Variants in MOV10L1 observed in about 807,000 individuals in gnomAD.
The protein encoded by MOV10L1 is RNA helicase Mov10l1.
MOV10L1 carries 110 observed loss-of-function variants against 143.8 expected under a neutral mutation model. The ratio of observed to expected loss-of-function variants is 0.76; its 90% CI spans 0.66 to 0.90. The LOEUF is 0.90. MOV10L1 is among the 40% of genes least tolerant of loss of function. The probability of loss-of-function intolerance (pLI) is 0.00; values close to 1 mark genes in which losing one functional copy is unlikely to be tolerated. For synonymous variants in MOV10L1, 593 were observed against 581.1 expected, an observed-to-expected ratio of 1.02 and a Z score of -0.29; for missense variants, 1,406 against 1,526.8, an observed-to-expected ratio of 0.92 and a Z score of 1.32.
intron 4 of MOV10L1, 23 bp downstream of exon 4, chr22:50,108,271 C>G (rs531786148): frequency 3.1e-6 from 5 of 1,590,532 alleles, no homozygotes; most frequent in East Asian, 4.5e-5. Context: ...CTAGTGGCTC[C>G]TCTCTGTGCT....
At position 50,159,659 on chromosome 22, in the gene MOV10L1, C is replaced by G; in HGVS notation, c.3217-19C>G. ...TTGTACAGTGTTATCTTTAGTCTTT[C>G]TTTTAATCTGTTCTCAAGGTGGAGA... On this transcript the variant is annotated intron_variant, in intron 23 of 26. Coordinates refer to ENST00000262794, the MANE Select transcript of MOV10L1 (RefSeq NM_018995.3). The surrounding 1 kb of genome is among the most constrained non-coding windows in gnomAD (Gnocchi z 4.1). 1 of 1,488,372 alleles carries G rather than the reference C, an allele frequency of 6.7e-7. No homozygotes were observed. Among genetic ancestry groups the G allele is most frequent in the Non-Finnish European group, 9.3e-7 (1 of 1,073,932 alleles). The allele number at this position is 1,488,372 out of a possible 1,614,324, so 92.2% of individuals were successfully genotyped here.
intron 15 of MOV10L1, among the ~76,000 whole-genome samples, chr22:50,139,773 A>G (rs2147326113): frequency 6.6e-6 from 1 of 152,372 alleles, no homozygotes; most frequent in East Asian, 1.9e-4. Context: ...GTTCAACATC[A>G]TTAGTTGTTA....
At chr22:50,110,526 C>G (rs1002375414) in intron 5 of MOV10L1, among the ~76,000 whole-genome samples, 1 of 151,450 alleles carries the variant, frequency 6.6e-6, no homozygotes, top group Admixed American at 6.6e-5. Flanking sequence ...AGGGGTCGCT[C>G]TTCATCCTTC....
At chr22:50,154,916 T>C (rs1363911806) in intron 22 of MOV10L1, among the ~76,000 whole-genome samples, 2 of 152,204 alleles carry the variant, frequency 1.3e-5, no homozygotes, top group Non-Finnish European at 2.9e-5. Flanking sequence ...CATTTTTTAT[T>C]GTTGTATTTC....
chr22:50,158,177 A>C lies in MOV10L1; in HGVS notation c.3187A>C (p.Ile1063Leu). The change falls in exon 23 of 27, where the codon ATT becomes CTT. Residue 1063 changes from isoleucine to leucine, a missense_variant. Ile to Leu is a conservative substitution (Grantham distance 5, BLOSUM62 2). Transcript: ENST00000262794. The surrounding 1 kb of genome is among the most constrained non-coding windows in gnomAD (Gnocchi z 5.0). ...SISSQVSASD[I>L]GVITPYRKQV... Reference sequence around the variant, plus strand: ...CTCCAGTCAGGTGTCTGCCAGCGACATTGGCGTCATCACGCCCTACCGGAA... The same window carrying C: ...CTCCAGTCAGGTGTCTGCCAGCGACCTTGGCGTCATCACGCCCTACCGGAA... 6.2e-7 allele frequency: 1 copy of C among 1,614,118 alleles called. No individual in the cohort carries two copies.
chr22:50,129,671 C>A (rs573238824), intron 13 of MOV10L1, among the ~76,000 whole-genome samples: 4 of 152,184 alleles, frequency 2.6e-5, no homozygotes, highest in Non-Finnish European at 5.9e-5. Context: ...TGTATAACAG[C>A]CTGCTGATCG....
At chr22:50,091,671 GTAGTTAAGGACC>G (rs1376738099) in intron 1 of MOV10L1, among the ~76,000 whole-genome samples, 2 of 152,208 alleles carry the variant, frequency 1.3e-5, no homozygotes, top group African/African-American at 4.8e-5. Context: ...CAGGCCCAGA[GTAGTTAAGGACC>G]TAGTCCAGGG....
At chr22:50,103,630 G>A (rs1011719103) in intron 3 of MOV10L1, among the ~76,000 whole-genome samples, 1 of 152,204 alleles carries the variant, frequency 6.6e-6, no homozygotes, top group African/African-American at 2.4e-5. Context: ...CTGCGAGCAT[G>A]TGGTGGCTCT....
intron 22 of MOV10L1, among the ~76,000 whole-genome samples, chr22:50,153,902 C>G (rs2063359635): frequency 6.6e-6 from 1 of 151,776 alleles, no homozygotes; most frequent in African/African-American, 2.4e-5. Flanking sequence ...ACACGGGGAA[C>G]CCTGGTGCCA....
intron 1 of MOV10L1, chr22:50,090,667 C>T (rs2062409674): frequency 3.1e-6 from 3 of 972,088 alleles, no homozygotes; most frequent in African/African-American, 1.6e-5. Context: ...TTCCTTTCTC[C>T]TGAGGTGTTT....
Position 50,092,026 on chromosome 22 carries a change from G to C in MOV10L1, c.123G>C (p.Arg41=). The C allele has an allele frequency of 6.2e-7, 1 of 1,614,046 alleles. No individual in the cohort carries two copies. Among genetic ancestry groups the C allele is most frequent in the East Asian group, 2.2e-5 (1 of 44,882 alleles). The change falls in exon 2 of 27, where the codon CGG becomes CGC. Residue 41 remains arginine (R), a synonymous_variant. Transcript: ENST00000262794. ...GTGACACTAAGCTGAAAACTGTACG[G>C]GGTGTCGTGACAAGGTACTGCAGCG... ...AEGDTKLKTV[R]GVVTRYCSDY... is the part of the protein sequence containing the mutation.
chr22:50,101,760 C>G (rs1208298512), intron 3 of MOV10L1, among the ~76,000 whole-genome samples: 1 of 151,772 alleles, frequency 6.6e-6, no homozygotes, highest in Non-Finnish European at 1.5e-5. Context: ...GATTCACCCA[C>G]CTCGGCCTCC....
intron 9 of MOV10L1, among the ~76,000 whole-genome samples, chr22:50,118,223 C>CCATTGTTTGAGT (rs1555986159): frequency 6.6e-6 from 1 of 151,510 alleles, no homozygotes; most frequent in African/African-American, 2.4e-5. Context: ...TAAGGTTAGA[C>CCATTGTTTGAGT]CATTGTTTGA....
intron 15 of MOV10L1, among the ~76,000 whole-genome samples, chr22:50,140,383 C>T (rs1027426093): frequency 1.3e-5 from 2 of 152,074 alleles, no homozygotes; most frequent in Non-Finnish European, 2.9e-5. Context: ...TAAATATGTG[C>T]ACCTTATTGT....
chr22:50,099,543 T>G lies in MOV10L1; in HGVS notation c.383T>G (p.Val128Gly). The G allele has an allele frequency of 6.2e-7, 1 of 1,614,156 alleles. No homozygotes were observed. ...RVLIGCVTSL[V>G]EGAGCISQTT... Reference sequence around the variant, plus strand: ...TTGATTGGCTGTGTGACTTCCCTGGTGGAGGGCGCAGGCTGTATCAGTCAG... The same window carrying G: ...TTGATTGGCTGTGTGACTTCCCTGGGGGAGGGCGCAGGCTGTATCAGTCAG... The change falls in exon 3 of 27, where the codon GTG becomes GGG. Residue 128 changes from valine (V) to glycine (G), a missense_variant. This residue lies in a region of MOV10L1 where 7 missense variants were observed against 21.4 expected (regional missense o/e 0.33). Coordinates refer to ENST00000262794, the MANE Select transcript of MOV10L1 (RefSeq NM_018995.3).
At chr22:50,105,375 C>A (rs965733476) in intron 3 of MOV10L1, among the ~76,000 whole-genome samples, 8 of 152,164 alleles carry the variant, frequency 5.3e-5, no homozygotes, top group Non-Finnish European at 7.3e-5. Context: ...CATTCATGCC[C>A]TTACACAATG....
At chr22:50,150,206 G>A (rs1033235917) in intron 20 of MOV10L1, among the ~76,000 whole-genome samples, 16 of 152,204 alleles carry the variant, frequency 1.1e-4, no homozygotes, top group Non-Finnish European at 1.8e-4. Flanking sequence ...CTCATCCAGT[G>A]TCCAGCACTG....
chr22:50,110,899 C>G (rs1216583337), intron 5 of MOV10L1, among the ~76,000 whole-genome samples: 3 of 152,030 alleles, frequency 2.0e-5, no homozygotes, highest in East Asian at 3.9e-4. Context: ...CCACTGCACT[C>G]CAGCCTGGGT....
rs778408195 is a variant in MOV10L1 at position 50,159,805 on chromosome 22, G to T, written c.3324+20G>T. 6.5e-7 allele frequency: 1 copy of T among 1,528,914 alleles called. No homozygotes were observed. The highest frequency in any genetic ancestry group is 1.4e-5 in the African/African-American group (1 of 72,990). 94.7% of individuals were successfully genotyped at this position (1,528,914 alleles called of 1,614,324 possible). A position where few individuals can be genotyped will look rare whatever the true frequency, so the allele number is the denominator to read the frequency against. On this transcript the variant is annotated intron_variant, in intron 24 of 26. Transcript: ENST00000262794. This position sits in a 1 kb window ranked among gnomAD's most constrained non-coding sequence, Gnocchi z 4.1. Reference sequence around the variant, plus strand: ...TCGACCGTAGGTATCCCTGTTCTCCGTGGGGATGGACAGTCAGGTGCTTGC... The same window carrying T: ...TCGACCGTAGGTATCCCTGTTCTCCTTGGGGATGGACAGTCAGGTGCTTGC...
Sources: allele counts gnomAD v4.1 joint callset (sites outside exome capture counted in the v4.1 genomes callset), GRCh38; gene constraint gnomAD v4.1.1; regional missense constraint gnomAD v4.1.1; non-coding constraint Gnocchi (gnomAD v3.1); transcripts MANE v1.5; gene names NCBI Gene and HGNC (gene_info 2026-07-23, HGNC 2026-07-21).